Variants in STK32C observed in about 807,000 individuals in gnomAD.
STK32C encodes serine/threonine-protein kinase 32C.
In STK32C, 31 loss-of-function variants were observed where a neutral mutation model predicts 56.5. The ratio of observed to expected loss-of-function variants is 0.55; its 90% CI spans 0.41 to 0.74. STK32C has a LOEUF of 0.74. Ranked by LOEUF, STK32C falls within the 30% of genes least tolerant of loss-of-function variation. STK32C has a pLI of 0.00. For missense variants in STK32C, 544 were observed against 676.9 expected (o/e 0.80, Z 2.18); for synonymous variants, 309 against 289.4 (o/e 1.07, Z -0.69).
downstream of STK32C, among the ~76,000 whole-genome samples, chr10:132,319,371 T>A (rs780759363): frequency 6.6e-6 from 1 of 152,214 alleles, no homozygotes; most frequent in Non-Finnish European, 1.5e-5. Flanking sequence ...GACTTAAAGA[T>A]AGGTGCATGA....
intron 10 of STK32C, among the ~76,000 whole-genome samples, chr10:132,220,255 G>C (rs936429987): frequency 2.6e-5 from 4 of 152,242 alleles, no homozygotes; most frequent in African/African-American, 9.6e-5. Context: ...ACGCGGCAGC[G>C]AAGCAGGGGC....
chr10:132,304,091 T>C (rs1478391191), intron 1 of STK32C, among the ~76,000 whole-genome samples: 1 of 152,236 alleles, frequency 6.6e-6, no homozygotes, highest in African/African-American at 2.4e-5. Flanking sequence ...CCTAAAAATG[T>C]ATCCTAGGGA....
chr10:132,215,395 C>T (rs992229778), intron 10 of STK32C, among the ~76,000 whole-genome samples: 1 of 152,120 alleles, frequency 6.6e-6, no homozygotes, highest in African/African-American at 2.4e-5. Flanking sequence ...TCCCGTGTGT[C>T]ATGGGAGGAA....
chr10:132,207,723 T>C lies in STK32C; in HGVS notation c.*287A>G, dbSNP rs1041345651. 2 of 313,026 alleles carry C rather than the reference T, an allele frequency of 6.4e-6. No homozygotes were observed. The highest frequency in any genetic ancestry group is 1.6e-4 in the South Asian group (1 of 6,288). The allele number at this position is 313,026 out of a possible 1,614,324, so 19.4% of individuals were successfully genotyped here. ...GGGACAAAGACTCCTGTCCCATCCATGGCCCCAGCTCCCCGTGAGCGGTAA... is the reference window on the plus strand; with the variant it reads ...GGGACAAAGACTCCTGTCCCATCCACGGCCCCAGCTCCCCGTGAGCGGTAA... On this transcript the variant is annotated 3_prime_UTR_variant, in exon 12 of 12. Transcript: ENST00000298630.
At chr10:132,330,285 C>G in intron 1 of STK32C, 1 of 603,138 alleles carries the variant, frequency 1.7e-6, no homozygotes, top group East Asian at 2.8e-5. Flanking sequence ...AGGGAATACG[C>G]TCAAATGGTT....
chr10:132,208,001 C>T lies in STK32C; in HGVS notation c.*9G>A, dbSNP rs752533839. On this transcript the variant is annotated 3_prime_UTR_variant, in exon 12 of 12. Transcript: ENST00000298630. Reference sequence around the variant, plus strand: ...CAGCTCAAGGGGTGAGGACCACGGGCGTCCCGGCCTAGCCGCTCCCGGCCG... The same window carrying T: ...CAGCTCAAGGGGTGAGGACCACGGGTGTCCCGGCCTAGCCGCTCCCGGCCG... 33 of 1,303,368 alleles carry T rather than the reference C, an allele frequency of 2.5e-5. No individual in the cohort carries two copies. The highest frequency in any genetic ancestry group is 2.0e-4 in the East Asian group (7 of 35,238). The allele number at this position is 1,303,368 out of a possible 1,614,324, so 80.7% of individuals were successfully genotyped here. A position where few individuals can be genotyped will look rare whatever the true frequency, so the allele number is the denominator to read the frequency against.
intron 2 of STK32C, among the ~76,000 whole-genome samples, chr10:132,237,169 ACTCCCTGACTGTGCTCCCTGGACTGTG>A (rs2063322893): frequency 6.6e-6 from 1 of 151,700 alleles, no homozygotes; most frequent in Non-Finnish European, 1.5e-5. Context: ...CTGGGCTCCC[ACTCCCTGACTGTGCTCCCTGGACTGTG>A]CTCCCTGGAC....
intron 1 of STK32C, among the ~76,000 whole-genome samples, chr10:132,294,238 C>T (rs1266989032): frequency 1.3e-5 from 2 of 151,704 alleles, no homozygotes; most frequent in Non-Finnish European, 2.9e-5. Flanking sequence ...GAGGAGGATC[C>T]GCCAAGGAGG....
chr10:132,216,527 T>C (rs1356763811), intron 10 of STK32C, among the ~76,000 whole-genome samples: 3 of 150,966 alleles, frequency 2.0e-5, no homozygotes, highest in Non-Finnish European at 2.9e-5. Context: ...GAAATTTGCA[T>C]AAGCAACAAG....
At chr10:132,251,411 C>G (rs1023306488) in intron 1 of STK32C, among the ~76,000 whole-genome samples, 7 of 152,180 alleles carry the variant, frequency 4.6e-5, no homozygotes, top group Non-Finnish European at 8.8e-5. Context: ...GGGGTCATGT[C>G]ACTTGATCTG....
At chr10:132,230,542 T>C (rs1031707835) in intron 2 of STK32C, among the ~76,000 whole-genome samples, 3 of 152,200 alleles carry the variant, frequency 2.0e-5, no homozygotes, top group African/African-American at 7.2e-5. Flanking sequence ...AAAGGCTGTT[T>C]GTTGCCCTGG....
intron 1 of STK32C, among the ~76,000 whole-genome samples, chr10:132,314,095 G>A (rs973308763): frequency 9.2e-5 from 14 of 152,318 alleles, no homozygotes; most frequent in African/African-American, 2.2e-4. Flanking sequence ...GGCCAGCACC[G>A]CGATGCACCA....
At chr10:132,278,942 G>C (rs966154845) in intron 1 of STK32C, among the ~76,000 whole-genome samples, 1 of 152,010 alleles carries the variant, frequency 6.6e-6, no homozygotes, top group Non-Finnish European at 1.5e-5. Flanking sequence ...TGTCAGACCC[G>C]AGACTGCCCT....
At chr10:132,277,336 C>T (rs2138198337) in intron 1 of STK32C, among the ~76,000 whole-genome samples, 1 of 152,372 alleles carries the variant, frequency 6.6e-6, no homozygotes, top group Non-Finnish European at 1.5e-5. Flanking sequence ...CAAAACTGGG[C>T]TCCAGCCCAC....
At chr10:132,331,420 T>A in intron 1 of STK32C, 1 of 1,598,880 alleles carries the variant, frequency 6.3e-7, no homozygotes. Context: ...TCAAAACCCT[T>A]CCTCAGGACA....
At chr10:132,240,415 G>A (rs917233906) in intron 2 of STK32C, among the ~76,000 whole-genome samples, 2 of 152,218 alleles carry the variant, frequency 1.3e-5, no homozygotes, top group Non-Finnish European at 2.9e-5. Context: ...TCTTCTCGCT[G>A]AGACGGCACA....
intron 1 of STK32C, among the ~76,000 whole-genome samples, chr10:132,259,091 G>A (rs2064222519): frequency 7.5e-6 from 1 of 133,260 alleles, no homozygotes; most frequent in Admixed American, 7.1e-5. Context: ...TTGGGAGGCT[G>A]CTGCACCGGG....
At chr10:132,243,448 A>G (rs1336056058) in intron 2 of STK32C, among the ~76,000 whole-genome samples, 8 of 152,018 alleles carry the variant, frequency 5.3e-5, no homozygotes, top group Non-Finnish European at 1.2e-4. Context: ...GCAGGGGCGG[A>G]GGGCAGGCTG....
intron 1 of STK32C, among the ~76,000 whole-genome samples, chr10:132,279,361 G>T (rs1194267178): frequency 6.6e-6 from 1 of 152,076 alleles, no homozygotes; most frequent in Non-Finnish European, 1.5e-5. Context: ...ATATCCCAAA[G>T]AGACAACATA....
Sources: gnomAD v4.1 joint callset for allele counts (sites outside exome capture counted in the v4.1 genomes callset) on GRCh38, gnomAD v4.1.1 for gene constraint, MANE v1.5 for transcripts, NCBI Gene and HGNC (gene_info 2026-07-23, HGNC 2026-07-21) for gene names.